Variants in NAA35 observed in about 807,000 individuals in gnomAD.
NAA35 encodes N-alpha-acetyltransferase 35, NatC auxiliary subunit, also known as MAK10 homolog, amino-acid N-acetyltransferase subunit.
In NAA35, 18 loss-of-function variants were observed where a neutral mutation model predicts 101.7. The ratio of observed to expected loss-of-function variants is 0.18; its 90% CI spans 0.12 to 0.26. The LOEUF is 0.26. Ranked by LOEUF, NAA35 falls within the 10% of genes least tolerant of loss-of-function variation. The probability of loss-of-function intolerance (pLI) is 1.00; values close to 1 mark genes in which losing one functional copy is unlikely to be tolerated. For synonymous variants in NAA35, 267 were observed against 273.1 expected, an observed-to-expected ratio of 0.98 and a Z score of 0.22; for missense variants, 601 against 886.8, an observed-to-expected ratio of 0.68 and a Z score of 4.09.
Position 86,017,510 on chromosome 9 carries a change from G to A in NAA35, c.1718G>A (p.Ser573Asn), listed in dbSNP as rs1241675206. 1 of 1,613,810 alleles carries A rather than the reference G, an allele frequency of 6.2e-7. No homozygotes were observed. The highest frequency in any genetic ancestry group is 8.5e-7 in the Non-Finnish European group (1 of 1,179,806). ...TKKKKKVRPL[S>N]REITMSQAYQ... is the part of the protein sequence containing the mutation. ...TTTCTAATTACAGTTCGCCCATTGAGCCGAGAGATCACAATGAGCCAAGCA... is the reference window on the plus strand; with the variant it reads ...TTTCTAATTACAGTTCGCCCATTGAACCGAGAGATCACAATGAGCCAAGCA... The change falls in exon 19 of 23, where the codon AGC becomes AAC. Residue 573 changes from serine to asparagine, a missense_variant. Ser to Asn is a conservative substitution (Grantham distance 46). Around this residue, in one of 8 missense-constraint regions of NAA35, gnomAD observed 99 missense variants for 206.7 expected, o/e 0.48. Coordinates refer to ENST00000361671, the MANE Select transcript of NAA35 (RefSeq NM_024635.4).
chr9:85,958,888 C>T (rs904479979), intron 4 of NAA35, among the ~76,000 whole-genome samples: 2 of 151,886 alleles, frequency 1.3e-5, no homozygotes, highest in Non-Finnish European at 2.9e-5. Flanking sequence ...TTAATATATT[C>T]ATATATAAAA....
At chr9:85,990,160 G>T (rs183605775) in intron 11 of NAA35, among the ~76,000 whole-genome samples, 10 of 152,344 alleles carry the variant, frequency 6.6e-5, no homozygotes, top group Admixed American at 2.6e-4. Flanking sequence ...AAGCAGACAT[G>T]TGGAAAGAGG....
Position 85,942,136 on chromosome 9 carries a change from A to G in NAA35, c.-5-19A>G, listed in dbSNP as rs772598103. The stretch of plus-strand genomic sequence containing the variant: ...CTGAAAGCTACATCCTCTCTCTTAC[A>G]TCAGTATTAATTTTACAGGCATAAT... On this transcript the variant is annotated intron_variant, in intron 1 of 22. Transcript: ENST00000361671. The G allele has an allele frequency of 6.2e-7, 1 of 1,607,688 alleles. No individual in the cohort carries two copies. Among genetic ancestry groups the G allele is most frequent in the Non-Finnish European group, 8.5e-7 (1 of 1,178,216 alleles).
In NAA35 at chr9:85,949,822, A is replaced by C. The variant is rs185874254; in HGVS notation, c.125-6538A>C. On this transcript the variant is annotated intron_variant, in intron 2 of 22. Transcript: ENST00000361671. ...AGTAGAAGTAACTTTAAAAAAAAAA[A>C]AACAGTATCATGTTACTGTTAGTTC... 3.3e-5 allele frequency among the ~76,000 whole-genome samples: 5 copies of C among 152,172 alleles called. No individual in the cohort carries two copies. The East Asian group carries it at 7.7e-4, about 24-fold the overall frequency.
chr9:85,998,599 C>T (rs1202265189), intron 12 of NAA35, among the ~76,000 whole-genome samples: 3 of 152,094 alleles, frequency 2.0e-5, no homozygotes, highest in Admixed American at 6.6e-5. Context: ...AAACAAGGCT[C>T]ATTTTAAGAA....
intron 21 of NAA35, among the ~76,000 whole-genome samples, chr9:86,020,445 T>G (rs1417315127): frequency 4.6e-5 from 7 of 152,162 alleles, no homozygotes; most frequent in Admixed American, 2.0e-4. Flanking sequence ...TTAATTGAAA[T>G]GAAGTTCTAT....
intron 11 of NAA35, among the ~76,000 whole-genome samples, chr9:85,994,969 G>A (rs370598477): frequency 1.5e-4 from 23 of 152,220 alleles, no homozygotes; most frequent in South Asian, 1.5e-3. Flanking sequence ...TTGTGTACAT[G>A]TATCAAAATA....
At chr9:85,996,333 AT>A in intron 11 of NAA35, 65 bp from the exon 12 acceptor site, 1 of 1,068,554 alleles carries the variant, frequency 9.4e-7, no homozygotes, top group Non-Finnish European at 1.3e-6. Context: ...TTTATATTTA[AT>A]AACATTTGCA....
At chr9:85,957,646 CAAAAT>C (rs749309171) in intron 3 of NAA35, among the ~76,000 whole-genome samples, 66 of 152,150 alleles carry the variant, frequency 4.3e-4, no homozygotes, top group Non-Finnish European at 5.6e-4. Flanking sequence ...CTTGGAAAAA[CAAAAT>C]AAATGGAAAT....
chr9:85,952,685 T>C (rs1829075555), intron 2 of NAA35, among the ~76,000 whole-genome samples: 2 of 152,184 alleles, frequency 1.3e-5, no homozygotes, highest in Admixed American at 6.5e-5. Context: ...TAAAAACTTA[T>C]ACAAGGTTGA....
At chr9:85,982,634 C>G (rs1437133168) in intron 11 of NAA35, among the ~76,000 whole-genome samples, 1 of 152,094 alleles carries the variant, frequency 6.6e-6, no homozygotes, top group Non-Finnish European at 1.5e-5. Flanking sequence ...TTAATAGATA[C>G]TCTTGGGGAG....
At position 85,944,676 on chromosome 9, in the gene NAA35, A is replaced by G. The variant is rs117144751; in HGVS notation, c.124+2393A>G. Reference sequence around the variant, plus strand: ...AAGTACCTTGATTCATAGGTACAAGATATCTTGATAATTTCCTGTTTTATC... The same window carrying G: ...AAGTACCTTGATTCATAGGTACAAGGTATCTTGATAATTTCCTGTTTTATC... On this transcript the variant is annotated intron_variant, in intron 2 of 22. Coordinates refer to ENST00000361671, the MANE Select transcript of NAA35 (RefSeq NM_024635.4). Among the ~76,000 whole-genome samples the G allele has an allele frequency of 3.9e-3, 596 of 152,348 alleles. 3 individuals carry two copies. The highest frequency in any genetic ancestry group is 6.8e-3 in the Non-Finnish European group (466 of 68,036).
intron 9 of NAA35, 116 bp from the exon 10 acceptor site, chr9:85,977,247 G>T: frequency 1.4e-6 from 1 of 729,894 alleles, no homozygotes; most frequent in Non-Finnish European, 2.4e-6. Context: ...GTAAGTGAAG[G>T]TGCCTGTAAT....
intron 22 of NAA35, 43 bp downstream of exon 22, chr9:86,021,012 G>A: frequency 7.0e-7 from 1 of 1,424,688 alleles, no homozygotes; most frequent in South Asian, 1.3e-5. Flanking sequence ...AGATTATTGT[G>A]AAGTTTCATA....
intron 11 of NAA35, among the ~76,000 whole-genome samples, chr9:85,988,128 C>T (rs1473376297): frequency 6.6e-6 from 1 of 152,228 alleles, no homozygotes; most frequent in African/African-American, 2.4e-5. Flanking sequence ...TAAGGAAAGT[C>T]AATGAGGCCT....
chr9:86,017,684 G>GTAAAGCAGACAGGA (rs1832296733), intron 19 of NAA35, 119 bp downstream of exon 19: 1 of 832,368 alleles, frequency 1.2e-6, no homozygotes, highest in Non-Finnish European at 1.8e-6. Flanking sequence ...TTTACTTCCT[G>GTAAAGCAGACAGGA]TCTGCTTGAA....
At chr9:85,948,298 C>T (rs1383899613) in intron 2 of NAA35, among the ~76,000 whole-genome samples, 1 of 152,124 alleles carries the variant, frequency 6.6e-6, no homozygotes, top group African/African-American at 2.4e-5. Context: ...AATTGGTGTA[C>T]TTATCATTAA....
intron 12 of NAA35, among the ~76,000 whole-genome samples, chr9:86,000,473 C>A (rs906490621): frequency 2.0e-5 from 3 of 151,962 alleles, no homozygotes; most frequent in Non-Finnish European, 2.9e-5. Context: ...AGGAATGGTA[C>A]CAGCTCTTCT....
At chr9:85,981,676 T>C (rs1830446875) in intron 11 of NAA35, among the ~76,000 whole-genome samples, 1 of 152,196 alleles carries the variant, frequency 6.6e-6, no homozygotes, top group Non-Finnish European at 1.5e-5. Context: ...ATCTTACGAC[T>C]AAGCAAGTGA....
Sources: gnomAD v4.1 joint callset for allele counts (sites outside exome capture counted in the v4.1 genomes callset) on GRCh38, gnomAD v4.1.1 for gene constraint, gnomAD v4.1.1 regional missense constraint, MANE v1.5 for transcripts, NCBI Gene and HGNC (gene_info 2026-07-23, HGNC 2026-07-21) for gene names.